Variants in USH1G observed in about 807,000 individuals in gnomAD.
The protein encoded by USH1G is USH1 protein network component sans, also known as pre-mRNA splicing regulator USH1G.
In USH1G, 27 loss-of-function variants were observed where a neutral mutation model predicts 31.9. The observed-to-expected ratio is 0.85, with a 90% CI of 0.62 to 1.17. The LOEUF is 1.17. Among genes scored for constraint, USH1G ranks in the 50% most tolerant of loss-of-function variants. The probability of loss-of-function intolerance (pLI) is 0.00; values close to 1 mark genes in which losing one functional copy is unlikely to be tolerated. For synonymous variants in USH1G, 266 were observed against 283.2 expected, an observed-to-expected ratio of 0.94 and a Z score of 0.61; for missense variants, 674 against 638.9, an observed-to-expected ratio of 1.05 and a Z score of -0.59.
In USH1G at chr17:74,917,790, C is replaced by A. The variant is rs1400448456; in HGVS notation, c.*283G>T. 1.4e-5 allele frequency: 7 copies of A among 508,322 alleles called. No individual in the cohort carries two copies. Among genetic ancestry groups the A allele is most frequent in the Non-Finnish European group, 2.5e-5 (7 of 280,126 alleles). The allele number at this position is 508,322 out of a possible 1,614,324, so 31.5% of individuals were successfully genotyped here. ...GCCCCTGCCCTCCCTCTGGGGCAGG[C>A]CTCCCCCAAGTCTACATGTCCTTTA... On this transcript the variant is annotated 3_prime_UTR_variant, in exon 3 of 3. Coordinates refer to ENST00000614341, the MANE Select transcript of USH1G (RefSeq NM_173477.5).
rs774246535 is a variant in USH1G at position 74,919,991 on chromosome 17, C to G, written c.845G>C (p.Ser282Thr). ...GGCCGCCAGCGTGGCACGGGAGACG[C>G]TGTCCTCGTCCGAGAGGAACATGTC... The part of the protein sequence containing the change: ...LRDMFLSDED[S>T]VSRATLAAEP... The change falls in exon 2 of 3, where the codon AGC becomes ACC. Residue 282 changes from serine (S) to threonine (T), a missense_variant. Transcript: ENST00000614341. This position sits in a 1 kb window ranked among gnomAD's most constrained non-coding sequence, Gnocchi z 4.5. 3.1e-6 allele frequency: 5 copies of G among 1,612,298 alleles called. No homozygotes were observed. In the Admixed American group the frequency reaches 8.3e-5, roughly 27 times the overall value.
Position 74,917,327 on chromosome 17 carries a change from CG to C in USH1G, c.*745del, listed in dbSNP as rs1567938006. 1 of 153,236 alleles carries C rather than the reference CG, an allele frequency of 6.5e-6. No individual in the cohort carries two copies. 9.5% of individuals were successfully genotyped at this position (153,236 alleles called of 1,614,324 possible). A position where few individuals can be genotyped will look rare whatever the true frequency, so the allele number is the denominator to read the frequency against. On this transcript the variant is annotated 3_prime_UTR_variant, in exon 3 of 3. Coordinates refer to ENST00000614341, the MANE Select transcript of USH1G (RefSeq NM_173477.5). ...CATTGGTCTAGCACCTTGCATCTAGCGCCCTGGCCCTCTGGGGTCCCTGGGG... is the reference window on the plus strand; with the variant it reads ...CATTGGTCTAGCACCTTGCATCTAGCCCCTGGCCCTCTGGGGTCCCTGGGG...
At position 74,923,065 on chromosome 17, in the gene USH1G, G is replaced by C; in HGVS notation, c.9C>G (p.Asp3Glu). The change falls in exon 1 of 3, where the codon GAC becomes GAG. Residue 3 changes from aspartate to glutamate, a missense_variant. Transcript: ENST00000614341. The surrounding 1 kb of genome is among the most constrained non-coding windows in gnomAD (Gnocchi z 5.3). The stretch of plus-strand genomic sequence containing the variant: ...CATCCCGGGCTGCCCGGTGGTACTG[G>C]TCGTTCATGGCGCCCGAAGTGGACG... MNDQYHRAARDGY... is the reference protein window; with the variant it reads MNEQYHRAARDGY... The C allele has an allele frequency of 1.3e-6, 2 of 1,583,936 alleles. No individual in the cohort carries two copies. Among genetic ancestry groups the C allele is most frequent in the Non-Finnish European group, 1.7e-6 (2 of 1,163,712 alleles).
rs767718565 is a variant in USH1G, at chr17:74,920,111, C to T, written c.725G>A (p.Arg242His). 7 of 1,603,122 alleles carry T rather than the reference C, an allele frequency of 4.4e-6. No individual in the cohort carries two copies. In the South Asian group the frequency reaches 7.7e-5, roughly 18 times the overall value. ...KVSEDGRKSA[R>H]SLSGLQLGSD... ...GCCCAGCTGCAGGCCCGAGAGCGAG[C>T]GGGCGCTCTTGCGCCCATCCTCGGA... The change falls in exon 2 of 3, where the codon CGC becomes CAC. Residue 242 changes from arginine to histidine, a missense_variant. Physicochemically the swap from Arg to His is conservative, Grantham distance 29. Transcript: ENST00000614341. This position sits in a 1 kb window ranked among gnomAD's most constrained non-coding sequence, Gnocchi z 5.2.
chr17:74,921,651 G>C lies in USH1G; in HGVS notation c.165-980C>G, dbSNP rs748077823. ...CCTGGCCGCCAAGTCCTGCAGGCCA[G>C]TGTGGGAAGGACCTGCCAGCACCCA... On this transcript the variant is annotated intron_variant, in intron 1 of 2. Transcript: ENST00000614341. This position sits in a 1 kb window ranked among gnomAD's most constrained non-coding sequence, Gnocchi z 4.6. Among the ~76,000 whole-genome samples the C allele has an allele frequency of 2.0e-5, 3 of 152,156 alleles. No individual in the cohort carries two copies. The highest frequency in any genetic ancestry group is 7.2e-5 in the African/African-American group (3 of 41,420).
At position 74,923,059 on chromosome 17, in the gene USH1G, G is replaced by A; in HGVS notation, c.15C>T (p.Tyr5=). ...GGTAGCCATCCCGGGCTGCCCGGTGGTACTGGTCGTTCATGGCGCCCGAAG... is the reference window on the plus strand; with the variant it reads ...GGTAGCCATCCCGGGCTGCCCGGTGATACTGGTCGTTCATGGCGCCCGAAG... The part of the protein sequence containing the change: MNDQ[Y]HRAARDGYLE... Residue 5 remains tyrosine (Y), a synonymous_variant, in exon 1 of 3, where the codon TAC becomes TAT. Transcript: ENST00000614341. This position sits in a 1 kb window ranked among gnomAD's most constrained non-coding sequence, Gnocchi z 5.3. 1 of 1,585,474 alleles carries A rather than the reference G, an allele frequency of 6.3e-7. No individual in the cohort carries two copies. Among genetic ancestry groups the A allele is most frequent in the Non-Finnish European group, 8.6e-7 (1 of 1,164,582 alleles).
chr17:74,923,098 C>A lies in USH1G; in HGVS notation c.-25G>T, dbSNP rs749070648. The A allele has an allele frequency of 3.2e-6, 5 of 1,550,956 alleles. No individual in the cohort carries two copies. The highest frequency in any genetic ancestry group is 1.4e-5 in the African/African-American group (1 of 73,580). ...TGGCGCCCGAAGTGGACGGGGCGGG[C>A]GGGGGACACGGAGAAAGGCCCCCCG... On this transcript the variant is annotated 5_prime_UTR_variant, in exon 1 of 3. Transcript: ENST00000614341. The surrounding 1 kb of genome is among the most constrained non-coding windows in gnomAD (Gnocchi z 5.3).
chr17:74,923,129 G>T lies in USH1G; in HGVS notation c.-56C>A. The T allele has an allele frequency of 6.6e-7, 1 of 1,504,664 alleles. No homozygotes were observed. The allele number at this position is 1,504,664 out of a possible 1,614,324, so 93.2% of individuals were successfully genotyped here. A position where few individuals can be genotyped will look rare whatever the true frequency, so the allele number is the denominator to read the frequency against. ...ACACGGAGAAAGGCCCCCCGCAGGG[G>T]AGGGCGGCGGTATTAGGGCTGAGGC... On this transcript the variant is annotated 5_prime_UTR_variant, in exon 1 of 3. Coordinates refer to ENST00000614341, the MANE Select transcript of USH1G (RefSeq NM_173477.5). This position sits in a 1 kb window ranked among gnomAD's most constrained non-coding sequence, Gnocchi z 5.3.
At position 74,919,586 on chromosome 17, in the gene USH1G, G is replaced by C. The variant is rs763348976; in HGVS notation, c.1250C>G (p.Ala417Gly). Residue 417 changes from alanine to glycine, a missense_variant, in exon 2 of 3, where the codon GCT (alanine) becomes GGT (glycine). Ala to Gly is a moderately conservative substitution (Grantham distance 60). Coordinates refer to ENST00000614341, the MANE Select transcript of USH1G (RefSeq NM_173477.5). The surrounding 1 kb of genome is among the most constrained non-coding windows in gnomAD (Gnocchi z 4.5). ...GTCGAGGTCAGAGCACAGCATCAAAGCCTCGAGGTCGATCTTCTCCTGCCG... is the reference window on the plus strand; with the variant it reads ...GTCGAGGTCAGAGCACAGCATCAAACCCTCGAGGTCGATCTTCTCCTGCCG... ...LLRQEKIDLE[A>G]LMLCSDLDLR... 3.1e-6 allele frequency: 5 copies of C among 1,612,632 alleles called. No individual in the cohort carries two copies. In the East Asian group the frequency reaches 8.9e-5, roughly 29 times the overall value.
In USH1G at chr17:74,920,380, C is replaced by T; in HGVS notation, c.456G>A (p.Lys152=). The change falls in exon 2 of 3, where the codon AAG becomes AAA. Residue 152 remains lysine (K), a synonymous_variant. Coordinates refer to ENST00000614341, the MANE Select transcript of USH1G (RefSeq NM_173477.5). This position sits in a 1 kb window ranked among gnomAD's most constrained non-coding sequence, Gnocchi z 5.2. ...EAERRIRECA[K]LQRRHHERME... ...TGCGTTCGTGGTGCCTCCGCTGCAG[C>T]TTGGCGCACTCGCGGATGCGCCGCT... 6.2e-7 allele frequency: 1 copy of T among 1,612,976 alleles called. No individual in the cohort carries two copies. The highest frequency in any genetic ancestry group is 8.5e-7 in the Non-Finnish European group (1 of 1,179,978).
Position 74,923,107 on chromosome 17 carries a change from C to A in USH1G, c.-34G>T. On this transcript the variant is annotated 5_prime_UTR_variant, in exon 1 of 3. Transcript: ENST00000614341. The surrounding 1 kb of genome is among the most constrained non-coding windows in gnomAD (Gnocchi z 5.3). ...AAGTGGACGGGGCGGGCGGGGGACACGGAGAAAGGCCCCCCGCAGGGGAGG... is the reference window on the plus strand; with the variant it reads ...AAGTGGACGGGGCGGGCGGGGGACAAGGAGAAAGGCCCCCCGCAGGGGAGG... 6.5e-7 allele frequency: 1 copy of A among 1,540,874 alleles called. No homozygotes were observed. Among genetic ancestry groups the A allele is most frequent in the Non-Finnish European group, 8.8e-7 (1 of 1,138,824 alleles).
Position 74,923,132 on chromosome 17 carries a change from G to A in USH1G, c.-59C>T, listed in dbSNP as rs111793996. 3.4e-4 allele frequency: 506 copies of A among 1,500,630 alleles called. 5 individuals carry two copies. The African/African-American group carries it at 5.8e-3, about 17-fold the overall frequency. The allele number at this position is 1,500,630 out of a possible 1,614,324, so 93.0% of individuals were successfully genotyped here. ...CGGAGAAAGGCCCCCCGCAGGGGAG[G>A]GCGGCGGTATTAGGGCTGAGGCATG... On this transcript the variant is annotated 5_prime_UTR_variant, in exon 1 of 3. Transcript: ENST00000614341. The surrounding 1 kb of genome is among the most constrained non-coding windows in gnomAD (Gnocchi z 5.3).
Position 74,917,957 on chromosome 17 carries a change from T to A in USH1G, c.*116A>T. On this transcript the variant is annotated 3_prime_UTR_variant, in exon 3 of 3. Coordinates refer to ENST00000614341, the MANE Select transcript of USH1G (RefSeq NM_173477.5). ...AGACTTTCAAAGGAGTCGCCCCAAC[T>A]GGTCCTTGCTCCTGGGGAAGGGGGC... 7.2e-7 allele frequency: 1 copy of A among 1,381,142 alleles called. No individual in the cohort carries two copies. The highest frequency in any genetic ancestry group is 1.0e-6 in the Non-Finnish European group (1 of 979,870). 85.6% of individuals were successfully genotyped at this position (1,381,142 alleles called of 1,614,324 possible). A position where few individuals can be genotyped will look rare whatever the true frequency, so the allele number is the denominator to read the frequency against.
chr17:74,919,717 G>T lies in USH1G; in HGVS notation c.1119C>A (p.Pro373=). The T allele has an allele frequency of 6.2e-7, 1 of 1,612,946 alleles. No individual in the cohort carries two copies. The highest frequency in any genetic ancestry group is 8.5e-7 in the Non-Finnish European group (1 of 1,180,022). The change falls in exon 2 of 3, where the codon CCC becomes CCA. Residue 373 remains proline (P), a synonymous_variant. Transcript: ENST00000614341. The surrounding 1 kb of genome is among the most constrained non-coding windows in gnomAD (Gnocchi z 4.5). ...CCAAGCCTAAATCGAGCTCATCCCA[G>T]GGCAGCTCCTCCCCACAGCTGCGGT... ...LQDRSCGEEL[P]WDELDLGLDE...
chr17:74,920,267 A>G lies in USH1G; in HGVS notation c.569T>C (p.Leu190Pro), dbSNP rs1181203835. ...SLTSSTLSRR[L>P]QHLALGSHLP... The stretch of plus-strand genomic sequence containing the variant: ...GTGGCTGCCCAGCGCCAGATGCTGC[A>G]GCCGGCGGCTCAGGGTGCTGGACGT... Residue 190 changes from leucine to proline, a missense_variant, in exon 2 of 3, where the codon CTG becomes CCG. Coordinates refer to ENST00000614341, the MANE Select transcript of USH1G (RefSeq NM_173477.5). The surrounding 1 kb of genome is among the most constrained non-coding windows in gnomAD (Gnocchi z 5.2). 1.2e-6 allele frequency: 2 copies of G among 1,602,964 alleles called. No homozygotes were observed. The highest frequency in any genetic ancestry group is 2.7e-5 in the African/African-American group (2 of 74,912).
Position 74,923,188 on chromosome 17 carries a change from G to GC in USH1G, c.-116_-115insG. ...GGAGGACGGGGCCGGGCAGGGGCCGGGGCCGCCAGCCCCCGCTGCCGCAGA... is the reference window on the plus strand; with the variant it reads ...GGAGGACGGGGCCGGGCAGGGGCCGGCGGCCGCCAGCCCCCGCTGCCGCAGA... On this transcript the variant is annotated 5_prime_UTR_variant, in exon 1 of 3. Coordinates refer to ENST00000614341, the MANE Select transcript of USH1G (RefSeq NM_173477.5). This position sits in a 1 kb window ranked among gnomAD's most constrained non-coding sequence, Gnocchi z 5.3. The GC allele has an allele frequency of 3.1e-6, 3 of 967,930 alleles. No individual in the cohort carries two copies. The highest frequency in any genetic ancestry group is 4.1e-6 in the Non-Finnish European group (3 of 724,726). 60.0% of individuals were successfully genotyped at this position (967,930 alleles called of 1,614,324 possible). A position where few individuals can be genotyped will look rare whatever the true frequency, so the allele number is the denominator to read the frequency against.
Position 74,917,812 on chromosome 17 carries a change from T to C in USH1G, c.*261A>G, listed in dbSNP as rs1260426611. The C allele has an allele frequency of 1.8e-6, 1 of 555,534 alleles. No individual in the cohort carries two copies. The highest frequency in any genetic ancestry group is 1.9e-5 in the African/African-American group (1 of 52,716). 34.4% of individuals were successfully genotyped at this position (555,534 alleles called of 1,614,324 possible). On this transcript the variant is annotated 3_prime_UTR_variant, in exon 3 of 3. Transcript: ENST00000614341. ...AGGCCTCCCCCAAGTCTACATGTCC[T>C]TTACGGCTGCTCAGAATGGGTGGCT...
In USH1G at chr17:74,920,215, G is replaced by A; in HGVS notation, c.621C>T (p.His207=). The change falls in exon 2 of 3, where the codon CAC becomes CAT. Residue 207 remains histidine, a synonymous_variant. Coordinates refer to ENST00000614341, the MANE Select transcript of USH1G (RefSeq NM_173477.5). This position sits in a 1 kb window ranked among gnomAD's most constrained non-coding sequence, Gnocchi z 5.2. Reference sequence around the variant, plus strand: ...TCTTGGTCTTGCCCCTGGCCGTGCCGTGCAGCGTGGCCTGAGAGTACGGCA... The same window carrying A: ...TCTTGGTCTTGCCCCTGGCCGTGCCATGCAGCGTGGCCTGAGAGTACGGCA... ...SHLPYSQATL[H]GTARGKTKMQ... 6.2e-7 allele frequency: 1 copy of A among 1,602,768 alleles called. No homozygotes were observed. Among genetic ancestry groups the A allele is most frequent in the Non-Finnish European group, 8.5e-7 (1 of 1,179,814 alleles).
Position 74,919,769 on chromosome 17 carries a change from C to T in USH1G, c.1067G>A (p.Ser356Asn). Residue 356 changes from serine (S) to asparagine (N), a missense_variant, in exon 2 of 3, where the codon AGC (serine) becomes AAC (asparagine). Ser to Asn is a conservative substitution (Grantham distance 46). Transcript: ENST00000614341. This position sits in a 1 kb window ranked among gnomAD's most constrained non-coding sequence, Gnocchi z 4.5. The stretch of plus-strand genomic sequence containing the variant: ...CTGCAGGCTGTTGGCACTGCCCAGG[C>T]TGTCATCGTCCAGGCTGGGGGAGCT... ...LQSSPSLDDD[S>N]LGSANSLQDR... The T allele has an allele frequency of 6.2e-7, 1 of 1,612,958 alleles. No homozygotes were observed. The highest frequency in any genetic ancestry group is 8.5e-7 in the Non-Finnish European group (1 of 1,179,998).
Sources: gnomAD v4.1 joint callset for allele counts (sites outside exome capture counted in the v4.1 genomes callset) on GRCh38, gnomAD v4.1.1 for gene constraint, Gnocchi (gnomAD v3.1) non-coding constraint, MANE v1.5 for transcripts, NCBI Gene and HGNC (gene_info 2026-07-23, HGNC 2026-07-21) for gene names.